Variants in ZNF407 observed in about 807,000 individuals in gnomAD.
ZNF407 encodes the protein zinc finger protein 407.
A neutral mutation model predicts 131.2 loss-of-function variants in ZNF407; 17 were observed. The ratio of observed to expected loss-of-function variants is 0.13; its 90% CI spans 0.09 to 0.19. The LOEUF is 0.19. Ranked by LOEUF, ZNF407 falls within the 10% of genes least tolerant of loss-of-function variation. The probability of loss-of-function intolerance (pLI) is 1.00; values close to 1 mark genes in which losing one functional copy is unlikely to be tolerated. For synonymous variants in ZNF407, 1,156 were observed against 1,062.0 expected, an observed-to-expected ratio of 1.09 and a Z score of -1.72; for missense variants, 2,681 against 2,830.6, an observed-to-expected ratio of 0.95 and a Z score of 1.20.
At chr18:74,707,498 C>T (rs945302667) in intron 3 of ZNF407, among the ~76,000 whole-genome samples, 1 of 152,044 alleles carries the variant, frequency 6.6e-6, no homozygotes, top group Non-Finnish European at 1.5e-5. Flanking sequence ...TCTGAAAACT[C>T]GAGATCCTTA....
intron 4 of ZNF407, among the ~76,000 whole-genome samples, chr18:74,841,092 G>T (rs573929012): frequency 6.6e-6 from 1 of 152,290 alleles, no homozygotes; most frequent in African/African-American, 2.4e-5. Context: ...TGGGCTCTTC[G>T]CAAGGCGTGC....
intron 3 of ZNF407, among the ~76,000 whole-genome samples, chr18:74,711,149 A>G (rs997955459): frequency 6.6e-6 from 1 of 152,212 alleles, no homozygotes; most frequent in Admixed American, 6.5e-5. Context: ...AAGCTTCAAA[A>G]TAAGTCGCCT....
intron 7 of ZNF407, among the ~76,000 whole-genome samples, chr18:74,917,189 AT>A (rs1222206083): frequency 6.6e-6 from 1 of 152,132 alleles, no homozygotes; most frequent in Non-Finnish European, 1.5e-5. Flanking sequence ...GCAGTCTTAG[AT>A]TTTTATTACC....
intron 7 of ZNF407, among the ~76,000 whole-genome samples, chr18:74,912,573 G>A (rs1003421892): frequency 6.6e-6 from 1 of 152,170 alleles, no homozygotes; most frequent in African/African-American, 2.4e-5. Flanking sequence ...TATTGAGAGA[G>A]CTGAGTAGCA....
chr18:75,000,085 C>G (rs1192698260), intron 8 of ZNF407, among the ~76,000 whole-genome samples: 2 of 152,152 alleles, frequency 1.3e-5, no homozygotes, highest in East Asian at 1.9e-4. Context: ...GGAAAGAGTA[C>G]GCATAAATGT....
intron 3 of ZNF407, among the ~76,000 whole-genome samples, chr18:74,642,582 T>G (rs2144691993): frequency 6.6e-6 from 1 of 152,248 alleles, no homozygotes; most frequent in East Asian, 1.9e-4. Context: ...GAAGAAAGCT[T>G]TTCACAGAAC....
chr18:75,024,559 C>G (rs1236138613), intron 8 of ZNF407, among the ~76,000 whole-genome samples: 3 of 152,132 alleles, frequency 2.0e-5, no homozygotes, highest in Non-Finnish European at 4.4e-5. Flanking sequence ...AACATTTCAA[C>G]TAGTAATTCT....
chr18:74,624,963 T>C (rs1983723039), intron 1 of ZNF407, among the ~76,000 whole-genome samples: 1 of 152,250 alleles, frequency 6.6e-6, no homozygotes, highest in Non-Finnish European at 1.5e-5. Flanking sequence ...TTAGTTTGCA[T>C]TGTGCACATG....
chr18:74,902,526 C>T (rs1021627470), intron 7 of ZNF407, among the ~76,000 whole-genome samples: 2 of 152,008 alleles, frequency 1.3e-5, no homozygotes, highest in African/African-American at 2.4e-5. Context: ...CTGAAATGAA[C>T]CAGTTATTAT....
chr18:74,985,007 G>A (rs1234118853), intron 8 of ZNF407, among the ~76,000 whole-genome samples: 2 of 152,170 alleles, frequency 1.3e-5, no homozygotes, highest in Non-Finnish European at 2.9e-5. Context: ...CTAGCTCTCA[G>A]CAATATAAAT....
intron 4 of ZNF407, among the ~76,000 whole-genome samples, chr18:74,785,572 ACT>A (rs1476146926): frequency 6.6e-6 from 1 of 151,628 alleles, no homozygotes; most frequent in Non-Finnish European, 1.5e-5. Context: ...TCTTTTGGAG[ACT>A]CTTTTCTCTC....
chr18:75,042,371 G>C (rs1247105956), intron 8 of ZNF407, among the ~76,000 whole-genome samples: 1 of 151,996 alleles, frequency 6.6e-6, no homozygotes, highest in African/African-American at 2.4e-5. Flanking sequence ...GGACAGATCA[G>C]GTTTGTTTTC....
At chr18:74,966,734 G>T (rs1398956607) in intron 8 of ZNF407, among the ~76,000 whole-genome samples, 1 of 152,146 alleles carries the variant, frequency 6.6e-6, no homozygotes, top group African/African-American at 2.4e-5. Flanking sequence ...CATAGAATCT[G>T]TAGATTGTTT....
At chr18:74,688,815 A>T (rs1300769784) in intron 3 of ZNF407, among the ~76,000 whole-genome samples, 1 of 152,030 alleles carries the variant, frequency 6.6e-6, no homozygotes. Context: ...AAATCTTTCA[A>T]TCCATGAATG....
In ZNF407 at chr18:74,922,031, T is replaced by C. The variant is rs1235105230; in HGVS notation, c.5428+1339T>C. 2.0e-5 allele frequency among the ~76,000 whole-genome samples: 3 copies of C among 152,208 alleles called. No individual in the cohort carries two copies. The South Asian group carries it at 6.2e-4, about 31-fold the overall frequency. ...ATTTAAGTAATGTCGAGTGTGTGATTTAGTAATTTTTCTGCTATCCAGGGC... is the reference window on the plus strand; with the variant it reads ...ATTTAAGTAATGTCGAGTGTGTGATCTAGTAATTTTTCTGCTATCCAGGGC... On this transcript the variant is annotated intron_variant, in intron 8 of 8. Coordinates refer to ENST00000299687, the MANE Select transcript of ZNF407 (RefSeq NM_017757.3).
chr18:74,681,796 A>G (rs557121976), intron 3 of ZNF407, among the ~76,000 whole-genome samples: 1 of 152,266 alleles, frequency 6.6e-6, no homozygotes, highest in African/African-American at 2.4e-5. Context: ...GTACTTTGAA[A>G]TTTCCCATTT....
chr18:74,683,938 C>G (rs77322345), intron 3 of ZNF407, among the ~76,000 whole-genome samples: 1 of 152,216 alleles, frequency 6.6e-6, no homozygotes, highest in African/African-American at 2.4e-5. Flanking sequence ...AAATAATTTT[C>G]TGTTCAATTT....
chr18:74,784,967 G>A lies in ZNF407; in HGVS notation c.4877+3465G>A, dbSNP rs902680359. Among the ~76,000 whole-genome samples, 4 of 152,186 alleles carry A rather than the reference G, an allele frequency of 2.6e-5. No individual in the cohort carries two copies. The South Asian group carries it at 6.2e-4, about 24-fold the overall frequency. On this transcript the variant is annotated intron_variant, in intron 4 of 8. Coordinates refer to ENST00000299687, the MANE Select transcript of ZNF407 (RefSeq NM_017757.3). ...AAATAGGAGGACAGGGAAATGATTC[G>A]TGTAGAGCTTTGCATTTGATCCATT... is the stretch of plus-strand genomic sequence containing the variant.
intron 4 of ZNF407, among the ~76,000 whole-genome samples, chr18:74,869,062 A>G (rs1437696820): frequency 3.9e-5 from 6 of 152,244 alleles, no homozygotes; most frequent in East Asian, 1.9e-4. Flanking sequence ...GTAAATGTCC[A>G]AAGATTGAAA....
Sources: allele counts gnomAD v4.1 joint callset (sites outside exome capture counted in the v4.1 genomes callset), GRCh38; gene constraint gnomAD v4.1.1; transcripts MANE v1.5; gene names NCBI Gene and HGNC (gene_info 2026-07-23, HGNC 2026-07-21).